Variants in MSRA observed in about 807,000 individuals in gnomAD.
MSRA encodes mitochondrial peptide methionine sulfoxide reductase.
MSRA carries 54 observed loss-of-function variants against 31.3 expected under a neutral mutation model. The ratio of observed to expected loss-of-function variants is 1.73; its 90% CI spans 1.39 to 2.17. MSRA has a LOEUF of 2.17. Ranked by LOEUF, MSRA falls within the 30% of genes most tolerant of loss-of-function variation. The pLI, the probability that MSRA is intolerant of heterozygous loss-of-function variation, is 0.00. For synonymous variants in MSRA, 169 were observed against 116.5 expected, an observed-to-expected ratio of 1.45 and a Z score of -2.90; for missense variants, 507 against 300.9, an observed-to-expected ratio of 1.69 and a Z score of -5.07.
At chr8:10,395,375 T>A (rs13258495) in intron 5 of MSRA, among the ~76,000 whole-genome samples, 1 of 152,034 alleles carries the variant, frequency 6.6e-6, no homozygotes, top group Non-Finnish European at 1.5e-5. Context: ...CTAAGGGGAT[T>A]ATAGGATGTG....
At position 10,428,164 on chromosome 8, in the gene MSRA, G is replaced by T; in HGVS notation, c.560G>T (p.Gly187Val). ...TCCCCACAGGTTCTTTCAGAGCACG[G>T]CTTCGGCCCCATCACTACCGACATC... ...ENYQKVLSEH[G>V]FGPITTDIRE... Residue 187 changes from glycine (G) to valine (V), a missense_variant, in exon 6 of 6, where the codon GGC (glycine) becomes GTC (valine). Coordinates refer to ENST00000317173, the MANE Select transcript of MSRA (RefSeq NM_012331.5). 6.2e-7 allele frequency: 1 copy of T among 1,613,806 alleles called. No individual in the cohort carries two copies. Among genetic ancestry groups the T allele is most frequent in the Non-Finnish European group, 8.5e-7 (1 of 1,179,916 alleles).
intron 2 of MSRA, among the ~76,000 whole-genome samples, chr8:10,223,338 A>C (rs1479698037): frequency 6.6e-6 from 1 of 152,224 alleles, no homozygotes; most frequent in Non-Finnish European, 1.5e-5. Context: ...CTTGGAATGG[A>C]GCACAGGGCA....
At chr8:10,229,498 G>T (rs376386164) in intron 2 of MSRA, among the ~76,000 whole-genome samples, 21 of 152,172 alleles carry the variant, frequency 1.4e-4, no homozygotes, top group African/African-American at 4.8e-4. Context: ...GATTCTCAGA[G>T]ATCAGGGTGA....
chr8:10,411,307 C>T (rs1396605665), intron 5 of MSRA: 5 of 152,156 alleles, frequency 3.3e-5, no homozygotes, highest in East Asian at 1.9e-4. Flanking sequence ...GTGTTCACAC[C>T]GTGTCGTTTT....
chr8:10,218,483 C>A (rs897975599), intron 2 of MSRA, among the ~76,000 whole-genome samples: 2 of 152,162 alleles, frequency 1.3e-5, no homozygotes, highest in Non-Finnish European at 2.9e-5. Context: ...CATCCCCTTA[C>A]TGATCATTGC....
intron 1 of MSRA, among the ~76,000 whole-genome samples, chr8:10,094,228 T>G (rs1233391233): frequency 6.6e-6 from 1 of 152,234 alleles, no homozygotes; most frequent in Non-Finnish European, 1.5e-5. Flanking sequence ...AATATGTGGT[T>G]TTGTCTTTCA....
At chr8:10,082,761 G>A (rs1475699811) in intron 1 of MSRA, among the ~76,000 whole-genome samples, 2 of 152,158 alleles carry the variant, frequency 1.3e-5, no homozygotes, top group African/African-American at 2.4e-5. Flanking sequence ...CCATCACACG[G>A]TTGTGTGGTT....
chr8:10,345,581 T>C (rs1803719304), intron 5 of MSRA, among the ~76,000 whole-genome samples: 1 of 152,234 alleles, frequency 6.6e-6, no homozygotes, highest in Non-Finnish European at 1.5e-5. Context: ...TAGAGGACTA[T>C]ACCAATGGGA....
At chr8:10,427,719 C>A (rs1809270314) in intron 5 of MSRA, among the ~76,000 whole-genome samples, 1 of 152,146 alleles carries the variant, frequency 6.6e-6, no homozygotes, top group Non-Finnish European at 1.5e-5. Flanking sequence ...CGTTTCATTC[C>A]CTCCCACTGT....
chr8:10,143,657 A>G (rs1802893010), intron 1 of MSRA, among the ~76,000 whole-genome samples: 2 of 152,172 alleles, frequency 1.3e-5, no homozygotes, highest in African/African-American at 4.8e-5. Flanking sequence ...CAAGGAAATC[A>G]GGGCTCCTTC....
At chr8:10,100,824 C>G (rs762641253) in intron 1 of MSRA, among the ~76,000 whole-genome samples, 1 of 152,146 alleles carries the variant, frequency 6.6e-6, no homozygotes, top group African/African-American at 2.4e-5. Flanking sequence ...ATTTTCTTCT[C>G]TTACAGTTAA....
At chr8:10,183,138 T>C (rs1294683885) in intron 1 of MSRA, among the ~76,000 whole-genome samples, 2 of 152,190 alleles carry the variant, frequency 1.3e-5, no homozygotes, top group East Asian at 3.8e-4. Flanking sequence ...CTTGACTTTG[T>C]GTTTGCTCTT....
At chr8:10,075,229 C>T (rs891722110) in intron 1 of MSRA, among the ~76,000 whole-genome samples, 1 of 152,172 alleles carries the variant, frequency 6.6e-6, no homozygotes, top group African/African-American at 2.4e-5. Context: ...ATGTCTGTTA[C>T]ATGATGACCA....
At chr8:10,292,756 G>A (rs1314881282) in intron 3 of MSRA, among the ~76,000 whole-genome samples, 1 of 152,228 alleles carries the variant, frequency 6.6e-6, no homozygotes, top group African/African-American at 2.4e-5. Context: ...GGTAGCCTGG[G>A]ACACTGTGGA....
intron 5 of MSRA, among the ~76,000 whole-genome samples, chr8:10,353,147 C>CA (rs770403670): frequency 1.3e-5 from 2 of 152,302 alleles, no homozygotes; most frequent in Admixed American, 1.3e-4. Context: ...CACACATTCT[C>CA]ACTGTGAGAC....
chr8:10,267,090 C>A (rs1040059062), intron 3 of MSRA, among the ~76,000 whole-genome samples: 1 of 152,162 alleles, frequency 6.6e-6, no homozygotes, highest in Non-Finnish European at 1.5e-5. Context: ...TAATGCGAAC[C>A]AACATAGTCT....
At chr8:10,273,691 G>A in intron 3 of MSRA, among the ~76,000 whole-genome samples, 1 of 151,982 alleles carries the variant, frequency 6.6e-6, no homozygotes, top group East Asian at 1.9e-4. Flanking sequence ...AATCAACACT[G>A]TTTACCTTAT....
chr8:10,354,608 G>A (rs1396342162), intron 5 of MSRA, among the ~76,000 whole-genome samples: 1 of 152,006 alleles, frequency 6.6e-6, no homozygotes, highest in Non-Finnish European at 1.5e-5. Flanking sequence ...TGAAATATCG[G>A]TCAGTAAAAT....
At chr8:10,143,080 C>T (rs554125610) in intron 1 of MSRA, among the ~76,000 whole-genome samples, 87 of 152,214 alleles carry the variant, frequency 5.7e-4, no homozygotes, top group African/African-American at 2.0e-3. Context: ...CCAGTTCCCT[C>T]CATCAAAGAA....
Sources: gnomAD v4.1 joint callset for allele counts (sites outside exome capture counted in the v4.1 genomes callset) on GRCh38, gnomAD v4.1.1 for gene constraint, MANE v1.5 for transcripts, NCBI Gene and HGNC (gene_info 2026-07-23, HGNC 2026-07-21) for gene names.